PDZRN3: variants seen among roughly 807,000 people sequenced by gnomAD.
The protein encoded by PDZRN3 is E3 ubiquitin-protein ligase PDZRN3.
Under a neutral mutation model 85.7 loss-of-function variants are expected in PDZRN3, and 38 were observed. The observed-to-expected ratio is 0.44, with a 90% CI of 0.34 to 0.58. The LOEUF is 0.58. PDZRN3 is among the 20% of genes least tolerant of loss of function. The pLI, the probability that PDZRN3 is intolerant of heterozygous loss-of-function variation, is 0.01. For missense variants in PDZRN3, 1,629 were observed against 1,506.4 expected (o/e 1.08, Z -1.35); for synonymous variants, 759 against 638.0 (o/e 1.19, Z -2.86).
At chr3:73,603,639 T>C (rs1356585138) in intron 2 of PDZRN3, among the ~76,000 whole-genome samples, 1 of 152,194 alleles carries the variant, frequency 6.6e-6, no homozygotes, top group Non-Finnish European at 1.5e-5. Flanking sequence ...ACAATTACTC[T>C]GAATACAAAT....
intron 3 of PDZRN3, among the ~76,000 whole-genome samples, chr3:73,405,529 C>A (rs1183524347): frequency 6.6e-6 from 1 of 152,134 alleles, no homozygotes; most frequent in Non-Finnish European, 1.5e-5. Flanking sequence ...TTTTAAAAAG[C>A]AAATGTAAAA....
intron 3 of PDZRN3, among the ~76,000 whole-genome samples, chr3:73,562,712 G>C (rs1701846583): frequency 6.6e-6 from 1 of 151,902 alleles, no homozygotes; most frequent in Admixed American, 6.6e-5. Flanking sequence ...CCCGAATAGA[G>C]AGCACAGCTG....
At chr3:73,538,929 CT>C in intron 3 of PDZRN3, among the ~76,000 whole-genome samples, 1 of 152,066 alleles carries the variant, frequency 6.6e-6, no homozygotes, top group Non-Finnish European at 1.5e-5. Context: ...AATCTAGTTG[CT>C]TATACAAGAG....
intron 3 of PDZRN3, among the ~76,000 whole-genome samples, chr3:73,563,013 A>ATTTT (rs879510100): frequency 1.6e-4 from 7 of 43,762 alleles, no homozygotes; most frequent in Admixed American, 4.2e-4. Context: ...ATATATATAT[A>ATTTT]TTTTTTTTTT....
At chr3:73,490,957 T>C (rs552977985) in intron 3 of PDZRN3, among the ~76,000 whole-genome samples, 1 of 152,324 alleles carries the variant, frequency 6.6e-6, no homozygotes, top group Admixed American at 6.5e-5. Flanking sequence ...GCCCCTCTCA[T>C]GTTGAAACTG....
intron 3 of PDZRN3, among the ~76,000 whole-genome samples, chr3:73,601,800 G>A (rs1168754459): frequency 6.6e-6 from 1 of 152,174 alleles, no homozygotes; most frequent in African/African-American, 2.4e-5. Context: ...ACTGAAAATG[G>A]AGTAAGTGAT....
At chr3:73,608,406 A>G (rs1364189393) in intron 2 of PDZRN3, among the ~76,000 whole-genome samples, 192 bp downstream of exon 2, 1 of 152,188 alleles carries the variant, frequency 6.6e-6, no homozygotes, top group Non-Finnish European at 1.5e-5. Context: ...TTACTAGGCC[A>G]ATGCTGTTTT....
At chr3:73,563,007 A>AT (rs1701861620) in intron 3 of PDZRN3, among the ~76,000 whole-genome samples, 1 of 45,898 alleles carries the variant, frequency 2.2e-5, no homozygotes, top group African/African-American at 1.0e-4. Flanking sequence ...ATATATATAT[A>AT]TATATATTTT....
chr3:73,624,081 G>T, intron 1 of PDZRN3, 22 bp downstream of exon 1: 1 of 1,421,952 alleles, frequency 7.0e-7, no homozygotes. Context: ...GCTGGAGGTC[G>T]GGGCGGGCAG....
At chr3:73,477,251 C>T (rs1196680676) in intron 3 of PDZRN3, among the ~76,000 whole-genome samples, 1 of 152,040 alleles carries the variant, frequency 6.6e-6, no homozygotes, top group Non-Finnish European at 1.5e-5. Flanking sequence ...ATTATTATAC[C>T]CATTAGGCAG....
chr3:73,608,598 C>T lies in PDZRN3; in HGVS notation c.810G>A (p.Val270=). ...GFNIIGGRPS[V]DNHDGSSSEG... is the part of the protein sequence containing the mutation. ...AAACACATTTTAGTAATTAACATACCACACTCGGCCGGCCACCAATAATAT... is the reference window on the plus strand; with the variant it reads ...AAACACATTTTAGTAATTAACATACTACACTCGGCCGGCCACCAATAATAT... The change falls in exon 2 of 10, where the codon GTG becomes GTA. Residue 270 remains valine, a splice_region_variant and synonymous_variant. Transcript: ENST00000263666. 6.3e-7 allele frequency: 1 copy of T among 1,598,090 alleles called. No individual in the cohort carries two copies. Among genetic ancestry groups the T allele is most frequent in the South Asian group, 1.1e-5 (1 of 90,424 alleles).
intron 3 of PDZRN3, among the ~76,000 whole-genome samples, chr3:73,434,368 T>C (rs1702491222): frequency 6.6e-6 from 1 of 152,208 alleles, no homozygotes; most frequent in Non-Finnish European, 1.5e-5. Context: ...GGAAAGGACA[T>C]GTTTTGAATA....
intron 3 of PDZRN3, among the ~76,000 whole-genome samples, chr3:73,551,298 G>A (rs1701548736): frequency 1.3e-5 from 2 of 152,152 alleles, no homozygotes; most frequent in African/African-American, 4.8e-5. Flanking sequence ...GAAAAGGAGG[G>A]AACCAAGAAA....
intron 3 of PDZRN3, among the ~76,000 whole-genome samples, chr3:73,437,252 G>A (rs957742825): frequency 3.9e-5 from 6 of 151,992 alleles, no homozygotes; most frequent in Non-Finnish European, 8.8e-5. Context: ...AGAAGTTTTT[G>A]AGAAGGAAAG....
chr3:73,414,155 G>C (rs1283433915), intron 3 of PDZRN3, among the ~76,000 whole-genome samples: 1 of 152,174 alleles, frequency 6.6e-6, no homozygotes, highest in Non-Finnish European at 1.5e-5. Context: ...TGAGCAGCAA[G>C]AAAACAAGCA....
intron 7 of PDZRN3, among the ~76,000 whole-genome samples, chr3:73,389,263 T>C (rs890404331): frequency 2.0e-5 from 3 of 152,180 alleles, no homozygotes; most frequent in African/African-American, 7.2e-5. Flanking sequence ...TGGTCTCATT[T>C]GGACTAGACG....
At chr3:73,516,132 A>G (rs1704251840) in intron 3 of PDZRN3, among the ~76,000 whole-genome samples, 1 of 152,138 alleles carries the variant, frequency 6.6e-6, no homozygotes, top group African/African-American at 2.4e-5. Flanking sequence ...GGAGGAAGGG[A>G]TATATTGTTG....
At chr3:73,416,161 A>G (rs77946758) in intron 3 of PDZRN3, among the ~76,000 whole-genome samples, 299 of 152,188 alleles carry the variant, frequency 2.0e-3, no homozygotes, top group African/African-American at 6.9e-3. Context: ...AATTAGGATG[A>G]CATGGGACAG....
chr3:73,530,208 G>A (rs1704621217), intron 3 of PDZRN3, among the ~76,000 whole-genome samples: 1 of 152,186 alleles, frequency 6.6e-6, no homozygotes, highest in Non-Finnish European at 1.5e-5. Flanking sequence ...GTTAACGCTG[G>A]AATGCTGGAA....
Sources: gnomAD v4.1 joint callset for allele counts (sites outside exome capture counted in the v4.1 genomes callset) on GRCh38, gnomAD v4.1.1 for gene constraint, MANE v1.5 for transcripts, NCBI Gene and HGNC (gene_info 2026-07-23, HGNC 2026-07-21) for gene names.